SLC26A3: variants seen among roughly 807,000 people sequenced by gnomAD.
SLC26A3 encodes solute carrier family 26 member 3, also known as chloride anion exchanger.
SLC26A3 carries 64 observed loss-of-function variants against 85.6 expected under a neutral mutation model. The ratio of observed to expected loss-of-function variants is 0.75; its 90% CI spans 0.61 to 0.92. The LOEUF is 0.92. SLC26A3 is among the 40% of genes least tolerant of loss of function. The pLI, the probability that SLC26A3 is intolerant of heterozygous loss-of-function variation, is 0.00. For synonymous variants in SLC26A3, 349 were observed against 336.0 expected (o/e 1.04, Z -0.42); for missense variants, 922 against 927.3 (o/e 0.99, Z 0.07).
intron 5 of SLC26A3, 79 bp downstream of exon 5, chr7:107,790,969 G>A (rs73727209): frequency 4.1e-6 from 6 of 1,450,268 alleles, no homozygotes; most frequent in East Asian, 2.4e-5. Context: ...GGAGTGGCAG[G>A]GGGGAGGAAA....
chr7:107,799,645 G>C (rs1168711009), intron 1 of SLC26A3, among the ~76,000 whole-genome samples: 1 of 152,114 alleles, frequency 6.6e-6, no homozygotes, highest in Non-Finnish European at 1.5e-5. Context: ...GCCTGCCTTG[G>C]CCTCCCAAAA....
In SLC26A3 at chr7:107,774,780, T is replaced by C; in HGVS notation, c.1770A>G (p.Thr590=). 1 of 1,610,932 alleles carries C rather than the reference T, an allele frequency of 6.2e-7. No individual in the cohort carries two copies. Among genetic ancestry groups the C allele is most frequent in the South Asian group, 1.1e-5 (1 of 91,014 alleles). The change falls in exon 16 of 21, where the codon ACA becomes ACG. Residue 590 remains threonine (T), a synonymous_variant. Transcript: ENST00000340010. ...KLQKQGLLQV[T]PKGFICTVDT... ...GAAATGTGGTCAAGGAACTTACTGG[T>C]GTCACTTGTAGCAAGCCTTGCTTCT...
At chr7:107,768,047 G>A in intron 18 of SLC26A3, 139 bp from the exon 19 acceptor site, 2 of 733,458 alleles carry the variant, frequency 2.7e-6, no homozygotes, top group East Asian at 2.7e-5. Context: ...GGTTGCAGTG[G>A]TATAATACCA....
intron 11 of SLC26A3, among the ~76,000 whole-genome samples, chr7:107,782,014 T>C (rs1247041341): frequency 2.0e-5 from 3 of 152,206 alleles, no homozygotes; most frequent in Admixed American, 6.5e-5. Context: ...ATTATTTCCC[T>C]TTCTATTTTA....
intron 18 of SLC26A3, among the ~76,000 whole-genome samples, chr7:107,770,756 C>T (rs899083051): frequency 6.6e-6 from 1 of 152,156 alleles, no homozygotes; most frequent in African/African-American, 2.4e-5. Context: ...GAATGCCCAT[C>T]ATGTCCTAGG....
At chr7:107,790,253 G>A (rs1794370645) in intron 5 of SLC26A3, among the ~76,000 whole-genome samples, 1 of 152,164 alleles carries the variant, frequency 6.6e-6, no homozygotes, top group Non-Finnish European at 1.5e-5. Context: ...TGAATCGGAT[G>A]GATTCTCCTT....
rs116445272 is a variant in SLC26A3, at chr7:107,799,946, A to G, written c.-89+3165T>C. On this transcript the variant is annotated intron_variant, in intron 1 of 20. Coordinates refer to ENST00000340010, the MANE Select transcript of SLC26A3 (RefSeq NM_000111.3). ...TTACTCTGAGCTTATCTTTAGAAGT[A>G]GCAGTTTTCCATTTTTATCCCAGTT... Among the ~76,000 whole-genome samples the G allele has an allele frequency of 5.5e-3, 834 of 152,372 alleles. 3 individuals are homozygous for G. The highest frequency in any genetic ancestry group is 0.019 in the African/African-American group (807 of 41,592).
chr7:107,782,692 G>T, intron 11 of SLC26A3, 105 bp downstream of exon 11: 1 of 1,064,964 alleles, frequency 9.4e-7, no homozygotes, highest in Non-Finnish European at 1.5e-6. Context: ...TTGAGAGTTT[G>T]TCATTACCTC....
chr7:107,772,175 A>G lies in SLC26A3; in HGVS notation c.2008-67T>C, dbSNP rs376591601. The G allele has an allele frequency of 4.7e-5, 42 of 901,900 alleles. No individual in the cohort carries two copies. In the African/African-American group the frequency reaches 6.2e-4, roughly 13 times the overall value. The allele number at this position is 901,900 out of a possible 1,614,324, so 55.9% of individuals were successfully genotyped here. On this transcript the variant is annotated intron_variant, in intron 17 of 20. Coordinates refer to ENST00000340010, the MANE Select transcript of SLC26A3 (RefSeq NM_000111.3). ...ACTTGTCAGAAATATAAAGAAAACA[A>G]TCAGAATTATACCTTACGGGTGATA...
chr7:107,774,262 T>C (rs1794074716), intron 16 of SLC26A3, 109 bp from the exon 17 acceptor site: 2 of 886,914 alleles, frequency 2.3e-6, no homozygotes, highest in Non-Finnish European at 3.7e-6. Flanking sequence ...AGCCAAACGA[T>C]GGGATTGGAC....
At chr7:107,781,678 A>T (rs1003442503) in intron 11 of SLC26A3, among the ~76,000 whole-genome samples, 1 of 152,144 alleles carries the variant, frequency 6.6e-6, no homozygotes, top group Non-Finnish European at 1.5e-5. Context: ...ATTTTTGGCA[A>T]ATTGTTCTCT....
chr7:107,769,624 G>A (rs1345972875), intron 18 of SLC26A3, among the ~76,000 whole-genome samples: 1 of 152,050 alleles, frequency 6.6e-6, no homozygotes, highest in African/African-American at 2.4e-5. Flanking sequence ...GTAACTAATG[G>A]GTGCTAGGCT....
chr7:107,770,017 T>TCTTTCTTTCTTC (rs1793982651), intron 18 of SLC26A3, among the ~76,000 whole-genome samples: 1 of 37,854 alleles, frequency 2.6e-5, no homozygotes, highest in Non-Finnish European at 4.6e-5. Context: ...TTTCTTTCTT[T>TCTTTCTTTCTTC]CTTTCTTTCT....
chr7:107,788,047 C>T (rs1021783229), intron 6 of SLC26A3, among the ~76,000 whole-genome samples: 2 of 152,170 alleles, frequency 1.3e-5, no homozygotes, highest in African/African-American at 2.4e-5. Context: ...CTTCTTGAAG[C>T]TAGTTGGGTT....
rs1794241388 is a variant in SLC26A3, at chr7:107,783,316, G to GA, written c.1007dup (p.Gln337ProfsTer34). 4 of 1,614,166 alleles carry GA rather than the reference G, an allele frequency of 2.5e-6. No individual in the cohort carries two copies. In the East Asian group the frequency reaches 8.9e-5, roughly 36 times the overall value. On this transcript the variant is annotated frameshift_variant, in exon 9 of 21. Coordinates refer to ENST00000340010, the MANE Select transcript of SLC26A3 (RefSeq NM_000111.3). LOFTEE classifies it high-confidence loss of function. ...CGAAGCAATCTCCTACGGTGTTTTGGAAAGTCTCCACGTCAGGTGTAATAG... is the reference window on the plus strand; with the variant it reads ...CGAAGCAATCTCCTACGGTGTTTTGGAAAAGTCTCCACGTCAGGTGTAATAG...
At position 107,793,852 on chromosome 7, in the gene SLC26A3, A is replaced by T; in HGVS notation, c.161T>A (p.Val54Asp). 1 of 1,613,892 alleles carries T rather than the reference A, an allele frequency of 6.2e-7. No individual in the cohort carries two copies. Among genetic ancestry groups the T allele is most frequent in the Non-Finnish European group, 8.5e-7 (1 of 1,179,774 alleles). ...SCSPQKAKRI[V>D]LSLFPIASWL... ...AGATGCTATGGGGAACAAAGAGAGG[A>T]CAATTCTCTTGGCCTTTTGTGGGGA... Residue 54 changes from valine (V) to aspartate (D), a missense_variant, in exon 3 of 21, where the codon GTC becomes GAC. Val to Asp is a radical substitution (Grantham distance 152, BLOSUM62 -3). Transcript: ENST00000340010.
At chr7:107,780,004 G>C (rs1039430478) in intron 11 of SLC26A3, among the ~76,000 whole-genome samples, 1 of 152,012 alleles carries the variant, frequency 6.6e-6, no homozygotes, top group Non-Finnish European at 1.5e-5. Flanking sequence ...GTGATTATGA[G>C]ATAGATGATC....
At position 107,787,394 on chromosome 7, in the gene SLC26A3, T is replaced by C. The variant is rs982363903; in HGVS notation, c.851A>G (p.Asp284Gly). Residue 284 changes from aspartate (D) to glycine (G), a missense_variant, in exon 7 of 21, where the codon GAC (aspartate) becomes GGC (glycine). Coordinates refer to ENST00000340010, the MANE Select transcript of SLC26A3 (RefSeq NM_000111.3). ...IVKEINQRFK[D>G]KLPVPIPIEF... The stretch of plus-strand genomic sequence containing the variant: ...GATTGGAATGGGCACTGGAAGTTTG[T>C]CTTTGAAGCGCTGATTTATTTCTTT... 6.2e-7 allele frequency: 1 copy of C among 1,614,124 alleles called. No individual in the cohort carries two copies. The highest frequency in any genetic ancestry group is 1.1e-5 in the South Asian group (1 of 91,084).
chr7:107,793,955 G>T, intron 2 of SLC26A3, 74 bp from the exon 3 acceptor site: 1 of 1,570,064 alleles, frequency 6.4e-7, no homozygotes, highest in South Asian at 1.1e-5. Flanking sequence ...GTGGGAAATT[G>T]GTAAAGATGG....
Sources: gnomAD v4.1 joint callset for allele counts (sites outside exome capture counted in the v4.1 genomes callset) on GRCh38, gnomAD v4.1.1 for gene constraint, MANE v1.5 for transcripts, NCBI Gene and HGNC (gene_info 2026-07-23, HGNC 2026-07-21) for gene names.